SEMA6D: variants seen among roughly 807,000 people sequenced by gnomAD.
SEMA6D encodes semaphorin 6D, also known as semaphorin-6D.
In SEMA6D, 35 loss-of-function variants were observed where a neutral mutation model predicts 106.6. That is an observed-to-expected ratio of 0.33 (90% CI 0.25 to 0.44). The LOEUF is 0.44. Ranked by LOEUF, SEMA6D falls within the 20% of genes least tolerant of loss-of-function variation. The pLI, the probability that SEMA6D is intolerant of heterozygous loss-of-function variation, is 1.00. For missense variants in SEMA6D, 1,185 were observed against 1,345.9 expected, an observed-to-expected ratio of 0.88 and a Z score of 1.87; for synonymous variants, 499 against 487.7, an observed-to-expected ratio of 1.02 and a Z score of -0.31.
At chr15:47,479,235 G>GTC (rs1567109327) in intron 3 of SEMA6D, among the ~76,000 whole-genome samples, 2 of 152,062 alleles carry the variant, frequency 1.3e-5, no homozygotes, top group African/African-American at 4.8e-5. Flanking sequence ...GGACAAAAAT[G>GTC]TCCATTTTTG....
chr15:47,453,396 G>C (rs2042250638), intron 2 of SEMA6D, among the ~76,000 whole-genome samples: 1 of 151,626 alleles, frequency 6.6e-6, no homozygotes, highest in Non-Finnish European at 1.5e-5. Context: ...ACCTCACATA[G>C]AAATCCATCC....
chr15:47,406,153 A>T (rs1410131862), intron 1 of SEMA6D, among the ~76,000 whole-genome samples: 2 of 152,212 alleles, frequency 1.3e-5, no homozygotes, highest in African/African-American at 4.8e-5. Flanking sequence ...CTCTCATATA[A>T]AACTTTGCAT....
chr15:47,488,735 T>G (rs535168067), intron 3 of SEMA6D, among the ~76,000 whole-genome samples: 7 of 152,080 alleles, frequency 4.6e-5, no homozygotes, highest in Non-Finnish European at 8.8e-5. Flanking sequence ...TGAGTGTGAA[T>G]GAGCAGGGCC....
At chr15:47,191,361 A>G (rs1386610455) in intron 1 of SEMA6D, among the ~76,000 whole-genome samples, 1 of 152,126 alleles carries the variant, frequency 6.6e-6, no homozygotes, top group Admixed American at 6.6e-5. Flanking sequence ...TATTGGATAC[A>G]AGCAACACAT....
chr15:47,463,940 T>A (rs1381593568), intron 2 of SEMA6D, among the ~76,000 whole-genome samples: 1 of 152,162 alleles, frequency 6.6e-6, no homozygotes, highest in Non-Finnish European at 1.5e-5. Flanking sequence ...CTCTCCTGTA[T>A]GTCTTCTCTT....
intron 1 of SEMA6D, among the ~76,000 whole-genome samples, chr15:47,351,126 A>G (rs1197520225): frequency 1.3e-5 from 2 of 152,152 alleles, no homozygotes. Flanking sequence ...TTCTCTGCAT[A>G]TCGCCTTCTT....
At chr15:47,638,895 C>G (rs566944061) in intron 4 of SEMA6D, among the ~76,000 whole-genome samples, 27 of 152,330 alleles carry the variant, frequency 1.8e-4, no homozygotes, top group African/African-American at 6.5e-4. Context: ...TTCATTGATT[C>G]TTAAAATGTA....
chr15:47,718,836 C>G (rs2079244983), intron 1 of SEMA6D: 1 of 152,222 alleles, frequency 6.6e-6, no homozygotes, highest in Admixed American at 6.5e-5. Flanking sequence ...CCGCCGCTCG[C>G]GCCGGCAGCC....
At chr15:47,761,847 C>T in intron 7 of SEMA6D, 96 bp downstream of exon 7, 1 of 1,037,034 alleles carries the variant, frequency 9.6e-7, no homozygotes, top group Non-Finnish European at 1.4e-6. Context: ...CTTGGATACC[C>T]ACCTTGATCT....
At chr15:47,359,112 A>G (rs1286698431) in intron 1 of SEMA6D, among the ~76,000 whole-genome samples, 1 of 152,070 alleles carries the variant, frequency 6.6e-6, no homozygotes, top group Non-Finnish European at 1.5e-5. Context: ...AAGGGTGAGA[A>G]CTATGCCTTA....
At chr15:47,371,129 C>T (rs2039258571) in intron 1 of SEMA6D, among the ~76,000 whole-genome samples, 1 of 152,134 alleles carries the variant, frequency 6.6e-6, no homozygotes, top group Non-Finnish European at 1.5e-5. Context: ...ATGTACTTTT[C>T]CTTTAGGGCC....
rs16959953 is a variant in SEMA6D, at chr15:47,709,994, A to G, written c.-54-49751A>G. Among the ~76,000 whole-genome samples the G allele has an allele frequency of 8.9e-3, 1,357 of 152,272 alleles. 12 individuals are homozygous for G. Among genetic ancestry groups the G allele is most frequent in the Admixed American group, 0.022 (332 of 15,298 alleles). ...ACTGGGGTAGTTTTCTCAAAGCACA[A>G]TAAATAAACATGAGGCAAATAAGTT... On this transcript the variant is annotated intron_variant, in intron 4 of 19. Transcript: ENST00000558014.
intron 1 of SEMA6D, among the ~76,000 whole-genome samples, chr15:47,233,992 C>A (rs1000122487): frequency 1.3e-5 from 2 of 151,906 alleles, no homozygotes; most frequent in Non-Finnish European, 1.5e-5. Context: ...TTGCTGTGTC[C>A]CTGATCTTGC....
At chr15:47,257,573 A>G (rs1255227294) in intron 1 of SEMA6D, among the ~76,000 whole-genome samples, 2 of 152,170 alleles carry the variant, frequency 1.3e-5, no homozygotes, top group Non-Finnish European at 2.9e-5. Context: ...TGTGTTGTTT[A>G]GAGGTTTTCC....
intron 4 of SEMA6D, among the ~76,000 whole-genome samples, chr15:47,639,532 G>T (rs7180610): frequency 0.28 from 42,358 of 152,080 alleles, 7,163 homozygotes; most frequent in East Asian, 0.45. Flanking sequence ...AGTGTGGGCT[G>T]CACATACATA....
chr15:47,577,991 C>A (rs1042545573), intron 3 of SEMA6D, among the ~76,000 whole-genome samples: 2 of 152,112 alleles, frequency 1.3e-5, no homozygotes, highest in African/African-American at 4.8e-5. Flanking sequence ...TTTGTGGAGA[C>A]CTTTATAGAT....
At chr15:47,529,132 A>C (rs572135402) in intron 3 of SEMA6D, among the ~76,000 whole-genome samples, 2 of 152,212 alleles carry the variant, frequency 1.3e-5, no homozygotes, top group South Asian at 4.1e-4. Context: ...AGAGTGAAGA[A>C]AATTATTAAG....
intron 3 of SEMA6D, among the ~76,000 whole-genome samples, chr15:47,572,316 ATTAT>A (rs1367931059): frequency 1.3e-5 from 2 of 152,256 alleles, no homozygotes; most frequent in Non-Finnish European, 1.5e-5. Flanking sequence ...TATATAATAA[ATTAT>A]TTGTGTATTA....
intron 4 of SEMA6D, among the ~76,000 whole-genome samples, chr15:47,607,763 CAT>C (rs1334419419): frequency 6.6e-6 from 1 of 152,184 alleles, no homozygotes; most frequent in Non-Finnish European, 1.5e-5. Flanking sequence ...TACTCTGTGA[CAT>C]GTGAGGTATT....
Sources: allele counts gnomAD v4.1 joint callset (sites outside exome capture counted in the v4.1 genomes callset), GRCh38; gene constraint gnomAD v4.1.1; transcripts MANE v1.5; gene names NCBI Gene and HGNC (gene_info 2026-07-23, HGNC 2026-07-21).